Variants in USPL1 observed in about 807,000 individuals in gnomAD.
USPL1 encodes SUMO-specific isopeptidase USPL1.
In USPL1, 27 loss-of-function variants were observed where a neutral mutation model predicts 51.5. That is an observed-to-expected ratio of 0.52 (90% CI 0.39 to 0.72). The LOEUF (loss-of-function observed/expected upper bound fraction) is 0.72. USPL1 is among the 30% of genes least tolerant of loss of function. USPL1 has a pLI of 0.00. For missense variants in USPL1, 1,226 were observed against 1,268.0 expected, an observed-to-expected ratio of 0.97 and a Z score of 0.50; for synonymous variants, 451 against 459.6, an observed-to-expected ratio of 0.98 and a Z score of 0.24.
intron 6 of USPL1, among the ~76,000 whole-genome samples, chr13:30,643,674 A>T (rs1240087885): frequency 7.8e-6 from 1 of 128,572 alleles, no homozygotes; most frequent in Non-Finnish European, 1.5e-5. Context: ...CAGCAGCGTG[A>T]TCCCGGCTCA....
At chr13:30,649,149 T>G (rs1287502801) in intron 7 of USPL1, among the ~76,000 whole-genome samples, 4 of 152,220 alleles carry the variant, frequency 2.6e-5, no homozygotes, top group Non-Finnish European at 5.9e-5. Flanking sequence ...AAAATGTGTT[T>G]TGAGTTCCAG....
intron 7 of USPL1, among the ~76,000 whole-genome samples, chr13:30,650,805 C>G (rs1951080870): frequency 6.6e-6 from 1 of 151,922 alleles, no homozygotes; most frequent in Non-Finnish European, 1.5e-5. Context: ...ATCTGGCCAA[C>G]ATGGTGAAAC....
intron 7 of USPL1, among the ~76,000 whole-genome samples, chr13:30,648,381 T>C (rs116219874): frequency 2.0e-3 from 301 of 152,288 alleles, no homozygotes; most frequent in African/African-American, 7.0e-3. Context: ...CTTTCACTCT[T>C]TGCTGCAGTC....
At chr13:30,635,867 A>C (rs1340665326) in intron 4 of USPL1, among the ~76,000 whole-genome samples, 1 of 152,178 alleles carries the variant, frequency 6.6e-6, no homozygotes, top group East Asian at 1.9e-4. Context: ...CCTAGGAAAG[A>C]TATTAGAATA....
chr13:30,655,456 G>GT (rs1951149372), intron 8 of USPL1, among the ~76,000 whole-genome samples: 1 of 152,110 alleles, frequency 6.6e-6, no homozygotes, highest in Admixed American at 6.6e-5. Flanking sequence ...CTTAAGATTA[G>GT]TTCTTTGTAG....
At position 30,643,810 on chromosome 13, in the gene USPL1, A is replaced by G. The variant is rs569238899; in HGVS notation, c.1112+1053A>G. On this transcript the variant is annotated intron_variant, in intron 6 of 8. Coordinates refer to ENST00000255304, the MANE Select transcript of USPL1 (RefSeq NM_005800.5). ...TTTTTAGTAGAGACAGGGTTTTGCC[A>G]TGTTGGCCAGGCTGGTCTTGAACTC... 2.0e-5 allele frequency among the ~76,000 whole-genome samples: 3 copies of G among 151,126 alleles called. No homozygotes were observed. In the South Asian group the frequency reaches 6.3e-4, roughly 32 times the overall value.
chr13:30,646,574 C>T (rs1951020371), intron 6 of USPL1, among the ~76,000 whole-genome samples: 1 of 152,198 alleles, frequency 6.6e-6, no homozygotes, highest in African/African-American at 2.4e-5. Context: ...CTACAGACAA[C>T]TGGATGCCGT....
chr13:30,660,537 A>T lies in USPL1; in HGVS notation c.*1181A>T, dbSNP rs905256475. On this transcript the variant is annotated 3_prime_UTR_variant, in exon 9 of 9. Transcript: ENST00000255304. Reference sequence around the variant, plus strand: ...TTAGTTCAAGAGTTTATGCAGATTTAAGTTGTATACGGTATATGAATGTGT... The same window carrying T: ...TTAGTTCAAGAGTTTATGCAGATTTTAGTTGTATACGGTATATGAATGTGT... The T allele has an allele frequency of 2.6e-5, 4 of 152,220 alleles. No homozygotes were observed. The allele number at this position is 152,220 out of a possible 1,614,324, so 9.4% of individuals were successfully genotyped here. A position where few individuals can be genotyped will look rare whatever the true frequency, so the allele number is the denominator to read the frequency against.
intron 4 of USPL1, 87 bp downstream of exon 4, chr13:30,631,561 C>T: frequency 7.6e-7 from 1 of 1,314,726 alleles, no homozygotes; most frequent in Non-Finnish European, 1.0e-6. Flanking sequence ...AGTGCAGTGG[C>T]ATGATCATGT....
At chr13:30,634,487 G>A (rs1950848858) in intron 4 of USPL1, among the ~76,000 whole-genome samples, 1 of 152,144 alleles carries the variant, frequency 6.6e-6, no homozygotes, top group Non-Finnish European at 1.5e-5. Context: ...AGTTTGTTTT[G>A]ATCTTCTGGG....
intron 3 of USPL1, among the ~76,000 whole-genome samples, chr13:30,624,977 T>A (rs968267258): frequency 6.6e-6 from 1 of 152,230 alleles, no homozygotes; most frequent in South Asian, 2.1e-4. Context: ...CAGTTTACTA[T>A]GGCATGTGTA....
rs750201224 is a variant in USPL1 at position 30,659,362 on chromosome 13, T to C, written c.*6T>C. 1 of 1,562,042 alleles carries C rather than the reference T, an allele frequency of 6.4e-7. No individual in the cohort carries two copies. Among genetic ancestry groups the C allele is most frequent in the South Asian group, 1.2e-5 (1 of 82,212 alleles). Reference sequence around the variant, plus strand: ...ATCTGTTTGAGAATTATTGAATTAATGCTTGTTAACTTTTTTCATATAATA... The same window carrying C: ...ATCTGTTTGAGAATTATTGAATTAACGCTTGTTAACTTTTTTCATATAATA... On this transcript the variant is annotated 3_prime_UTR_variant, in exon 9 of 9. Coordinates refer to ENST00000255304, the MANE Select transcript of USPL1 (RefSeq NM_005800.5).
intron 3 of USPL1, 101 bp downstream of exon 3, chr13:30,621,993 T>A: frequency 2.4e-6 from 2 of 832,096 alleles, no homozygotes; most frequent in Non-Finnish European, 3.2e-6. Flanking sequence ...TTTTTTAGAC[T>A]AGATTTTTAA....
intron 3 of USPL1, among the ~76,000 whole-genome samples, chr13:30,629,431 G>C (rs955829652): frequency 6.6e-6 from 1 of 152,116 alleles, no homozygotes; most frequent in Admixed American, 6.5e-5. Context: ...AGGTTGCAGT[G>C]AGCTGGGATC....
At chr13:30,636,850 C>T (rs1261972944) in intron 4 of USPL1, among the ~76,000 whole-genome samples, 1 of 152,230 alleles carries the variant, frequency 6.6e-6, no homozygotes, top group African/African-American at 2.4e-5. Flanking sequence ...GCCCAGGCAA[C>T]ATAGCAAGAC....
In USPL1 at chr13:30,631,284, T is replaced by G. The variant is rs1207187774; in HGVS notation, c.678T>G (p.Cys226Trp). Residue 226 changes from cysteine to tryptophan, a missense_variant, in exon 4 of 9, where the codon TGT (cysteine) becomes TGG (tryptophan). By Grantham distance (215) the Cys-to-Trp change is radical. Coordinates refer to ENST00000255304, the MANE Select transcript of USPL1 (RefSeq NM_005800.5). ...GTACATCATTTCCCCAGGCTTTATG[T>G]GTCCAGTGGAAAAATGCTTATGCTC... ...SKCTSFPQALCVQWKNAYALC... is the reference protein window; with the variant it reads ...SKCTSFPQALWVQWKNAYALC... 6.2e-6 allele frequency: 10 copies of G among 1,614,208 alleles called. No individual in the cohort carries two copies. Among genetic ancestry groups the G allele is most frequent in the Non-Finnish European group, 8.5e-6 (10 of 1,180,022 alleles).
chr13:30,637,026 G>T (rs1160673163), intron 4 of USPL1, among the ~76,000 whole-genome samples: 1 of 152,128 alleles, frequency 6.6e-6, no homozygotes, highest in South Asian at 2.1e-4. Context: ...GCTCACTGCA[G>T]CTTGTAGAAC....
At chr13:30,622,897 A>G (rs1163829982) in intron 3 of USPL1, among the ~76,000 whole-genome samples, 1 of 152,220 alleles carries the variant, frequency 6.6e-6, no homozygotes, top group Non-Finnish European at 1.5e-5. Flanking sequence ...GTTTATATTC[A>G]GTAATTTTTT....
intron 8 of USPL1, 40 bp downstream of exon 8, chr13:30,653,345 GA>G (rs1245683400): frequency 6.6e-7 from 1 of 1,505,582 alleles, no homozygotes; most frequent in Admixed American, 2.1e-5. Context: ...AATTGGCATA[GA>G]AACTAAATTC....
Sources: gnomAD v4.1 joint callset for allele counts (sites outside exome capture counted in the v4.1 genomes callset) on GRCh38, gnomAD v4.1.1 for gene constraint, MANE v1.5 for transcripts, NCBI Gene and HGNC (gene_info 2026-07-23, HGNC 2026-07-21) for gene names.